Variants in KCNG3 observed in about 807,000 individuals in gnomAD.
KCNG3 encodes voltage-gated potassium channel regulatory subunit KCNG3.
Under a neutral mutation model 29.0 loss-of-function variants are expected in KCNG3, and 15 were observed. That is an observed-to-expected ratio of 0.52 (90% confidence interval 0.35 to 0.80). KCNG3 has a LOEUF of 0.80. Among genes scored for constraint, KCNG3 ranks in the 30% least tolerant of loss-of-function variants. The probability of loss-of-function intolerance (pLI) is 0.01; values close to 1 mark genes in which losing one functional copy is unlikely to be tolerated. For synonymous variants in KCNG3, 322 were observed against 248.9 expected, an observed-to-expected ratio of 1.29 and a Z score of -2.76; for missense variants, 512 against 605.7, an observed-to-expected ratio of 0.85 and a Z score of 1.62.
chr2:42,430,361 TAAAAATA>T, the KCNG3 span, among the ~76,000 whole-genome samples: 1 of 120,902 alleles, frequency 8.3e-6, no homozygotes, highest in Non-Finnish European at 1.8e-5. Flanking sequence ...CAGACTGTCT[TAAAAATA>T]AATAAATAAA....
the KCNG3 span, among the ~76,000 whole-genome samples, chr2:42,392,852 G>GT: frequency 1.3e-5 from 2 of 152,004 alleles, no homozygotes; most frequent in African/African-American, 4.8e-5. Flanking sequence ...ATACAACAAC[G>GT]TGAGTTTCAA....
the KCNG3 span, among the ~76,000 whole-genome samples, chr2:42,397,862 C>T: frequency 6.6e-6 from 1 of 152,110 alleles, no homozygotes; most frequent in Non-Finnish European, 1.5e-5. Context: ...CTTTTAGAGT[C>T]TGTTCACTCT....
At chr2:42,438,665 G>A (rs944076605), downstream of KCNG3, among the ~76,000 whole-genome samples, 3 of 152,212 alleles carry the variant, frequency 2.0e-5, no homozygotes, top group African/African-American at 7.2e-5. Flanking sequence ...TTGAGCTTAT[G>A]CTAACAGTCA....
chr2:42,403,625 T>TC, the KCNG3 span, among the ~76,000 whole-genome samples: 1 of 150,544 alleles, frequency 6.6e-6, no homozygotes, highest in East Asian at 1.9e-4. Context: ...TTTTTTCTTT[T>TC]TTTTTTTTTT....
intron 1 of KCNG3, among the ~76,000 whole-genome samples, chr2:42,465,436 T>C (rs375762426): frequency 1.3e-5 from 2 of 151,834 alleles, no homozygotes; most frequent in East Asian, 1.9e-4. Context: ...AGGCTGGTCT[T>C]GAACTCCTGG....
At chr2:42,485,815 T>C (rs569568138) in intron 1 of KCNG3, among the ~76,000 whole-genome samples, 4 of 152,302 alleles carry the variant, frequency 2.6e-5, no homozygotes, top group Admixed American at 2.0e-4. Flanking sequence ...TTAATCTCCT[T>C]GGAAGTGTCA....
At chr2:42,419,349 TGCCTCA>T in the KCNG3 span, among the ~76,000 whole-genome samples, 1 of 147,950 alleles carries the variant, frequency 6.8e-6, no homozygotes, top group Non-Finnish European at 1.5e-5. Context: ...GCGATTCTCC[TGCCTCA>T]GCCTCCCAAG....
At chr2:42,392,789 T>G in the KCNG3 span, among the ~76,000 whole-genome samples, 1 of 152,170 alleles carries the variant, frequency 6.6e-6, no homozygotes, top group Non-Finnish European at 1.5e-5. Flanking sequence ...TAAGCTTCAG[T>G]TCTTTGATAC....
the KCNG3 span, chr2:42,424,716 G>A: frequency 5.3e-5 from 8 of 152,272 alleles, no homozygotes; most frequent in South Asian, 1.2e-3. Flanking sequence ...ATGGGTTCCT[G>A]TCTTAAATGC....
At chr2:42,491,066 T>C (rs74339992) in intron 1 of KCNG3, among the ~76,000 whole-genome samples, 1 of 152,168 alleles carries the variant, frequency 6.6e-6, no homozygotes, top group Non-Finnish European at 1.5e-5. Flanking sequence ...TATCTAAGTA[T>C]CTAGGAAACA....
At chr2:42,406,916 T>C in the KCNG3 span, among the ~76,000 whole-genome samples, 5 of 152,054 alleles carry the variant, frequency 3.3e-5, no homozygotes, top group African/African-American at 7.2e-5. Context: ...CCTAATTTTA[T>C]GGCATTGTGA....
chr2:42,459,702 C>T (rs577607478), intron 1 of KCNG3, among the ~76,000 whole-genome samples: 1 of 152,244 alleles, frequency 6.6e-6, no homozygotes, highest in South Asian at 2.1e-4. Flanking sequence ...ATCGGCCGGG[C>T]GTGGTGGCTC....
At chr2:42,415,995 G>A in the KCNG3 span, among the ~76,000 whole-genome samples, 3 of 151,838 alleles carry the variant, frequency 2.0e-5, no homozygotes, top group African/African-American at 7.3e-5. Flanking sequence ...AGGAGTTCGA[G>A]GCTAGGCTGG....
intron 1 of KCNG3, among the ~76,000 whole-genome samples, chr2:42,447,021 C>G (rs887300506): frequency 6.6e-6 from 1 of 150,748 alleles, no homozygotes; most frequent in Non-Finnish European, 1.5e-5. Context: ...GAGATTGAGG[C>G]TGCAGTGAGC....
intron 1 of KCNG3, among the ~76,000 whole-genome samples, chr2:42,457,627 TCACACACACACACA>T (rs56251665): frequency 3.1e-4 from 39 of 125,520 alleles, no homozygotes; most frequent in Admixed American, 9.5e-4. Flanking sequence ...CAGGCAGATC[TCACACACACACACA>T]CACACACACA....
At chr2:42,435,868 T>C in the KCNG3 span, among the ~76,000 whole-genome samples, 2 of 152,336 alleles carry the variant, frequency 1.3e-5, no homozygotes, top group East Asian at 3.9e-4. Flanking sequence ...GCATCTAACC[T>C]GGCAATTCCA....
chr2:42,462,934 T>C (rs2103692601), intron 1 of KCNG3, among the ~76,000 whole-genome samples: 1 of 152,306 alleles, frequency 6.6e-6, no homozygotes, highest in East Asian at 1.9e-4. Context: ...CCCCCAAGTC[T>C]ACAGCTAAAA....
chr2:42,492,184 T>C lies in KCNG3; in HGVS notation c.665+653A>G, dbSNP rs113524280. ...AATGGTTTTTTCCCTTCCCATATCATAGACCCTCTGAAAGTCGCAGTGTGA... is the reference window on the plus strand; with the variant it reads ...AATGGTTTTTTCCCTTCCCATATCACAGACCCTCTGAAAGTCGCAGTGTGA... On this transcript the variant is annotated intron_variant, in intron 1 of 1. Coordinates refer to ENST00000306078, the MANE Select transcript of KCNG3 (RefSeq NM_133329.6). Among the ~76,000 whole-genome samples the C allele has an allele frequency of 1.1e-4, 17 of 152,316 alleles. 1 individual carries two copies. Among genetic ancestry groups the C allele is most frequent in the African/African-American group, 3.8e-4 (16 of 41,568 alleles).
intron 1 of KCNG3, among the ~76,000 whole-genome samples, chr2:42,477,600 C>T (rs1168901335): frequency 2.0e-5 from 3 of 151,510 alleles, no homozygotes; most frequent in African/African-American, 7.3e-5. Context: ...GTGTCGGGGT[C>T]GGACATGGTG....
Sources: allele counts gnomAD v4.1 joint callset (sites outside exome capture counted in the v4.1 genomes callset), GRCh38; gene constraint gnomAD v4.1.1; transcripts MANE v1.5; gene names NCBI Gene and HGNC (gene_info 2026-07-23, HGNC 2026-07-21).